SH3PXD2B: variants seen among roughly 807,000 people sequenced by gnomAD.
SH3PXD2B encodes SH3 and PX domains 2B.
Under a neutral mutation model 73.1 loss-of-function variants are expected in SH3PXD2B, and 37 were observed. The observed-to-expected ratio is 0.51, with a 90% confidence interval of 0.39 to 0.67. The LOEUF is 0.67. SH3PXD2B is among the 30% of genes least tolerant of loss of function. SH3PXD2B has a pLI of 0.00. For missense variants in SH3PXD2B, 1,053 were observed against 1,197.8 expected (o/e 0.88, Z 1.78); for synonymous variants, 457 against 480.5 (o/e 0.95, Z 0.64).
At chr5:172,449,026 G>A (rs1759737076) in intron 1 of SH3PXD2B, among the ~76,000 whole-genome samples, 1 of 152,138 alleles carries the variant, frequency 6.6e-6, no homozygotes. Context: ...GCCTACTAAG[G>A]GCGCAATCTA....
chr5:172,337,679 G>C lies in SH3PXD2B; in HGVS notation c.*690C>G. 2 of 988,112 alleles carry C rather than the reference G, an allele frequency of 2.0e-6. No individual in the cohort carries two copies. The highest frequency in any genetic ancestry group is 2.4e-6 in the Non-Finnish European group (2 of 831,736). The allele number at this position is 988,112 out of a possible 1,614,324, so 61.2% of individuals were successfully genotyped here. On this transcript the variant is annotated 3_prime_UTR_variant, in exon 13 of 13. Coordinates refer to ENST00000311601, the MANE Select transcript of SH3PXD2B (RefSeq NM_001017995.3). Reference sequence around the variant, plus strand: ...AGCAAAGCGCAGCATACGCGGGGCTGGAACCACCCTTCAGGGCTGACCACG... The same window carrying C: ...AGCAAAGCGCAGCATACGCGGGGCTCGAACCACCCTTCAGGGCTGACCACG...
In SH3PXD2B at chr5:172,338,350, T is replaced by C; in HGVS notation, c.*19A>G. 1 of 1,613,938 alleles carries C rather than the reference T, an allele frequency of 6.2e-7. No homozygotes were observed. Among genetic ancestry groups the C allele is most frequent in the Non-Finnish European group, 8.5e-7 (1 of 1,180,034 alleles). On this transcript the variant is annotated 3_prime_UTR_variant, in exon 13 of 13. Coordinates refer to ENST00000311601, the MANE Select transcript of SH3PXD2B (RefSeq NM_001017995.3). The surrounding 1 kb of genome is among the most constrained non-coding windows in gnomAD (Gnocchi z 5.1). Reference sequence around the variant, plus strand: ...AGCCAGCAAGGACCAGCGGGCCCTCTAGGCAGAAAGGGAGTCGGCTACGGC... The same window carrying C: ...AGCCAGCAAGGACCAGCGGGCCCTCCAGGCAGAAAGGGAGTCGGCTACGGC...
chr5:172,436,300 C>T (rs1288071336), intron 1 of SH3PXD2B, among the ~76,000 whole-genome samples: 4 of 152,204 alleles, frequency 2.6e-5, no homozygotes, highest in Admixed American at 6.5e-5. Context: ...GTTTCCATAG[C>T]GCAGTGCCAC....
Position 172,338,608 on chromosome 5 carries a change from C to T in SH3PXD2B, c.2497G>A (p.Gly833Arg). The change falls in exon 13 of 13, where the codon GGA becomes AGA. Residue 833 changes from glycine to arginine, a missense_variant. By Grantham distance (125) the Gly-to-Arg change is moderately radical (BLOSUM62 -2). Around this residue, in one of 2 missense-constraint regions of SH3PXD2B, gnomAD observed 587 missense variants for 590.7 expected, o/e 0.99. Coordinates refer to ENST00000311601, the MANE Select transcript of SH3PXD2B (RefSeq NM_001017995.3). This position sits in a 1 kb window ranked among gnomAD's most constrained non-coding sequence, Gnocchi z 5.1. ...GCAGCTGCTTTCTCCCTGTTTTCTCCAATCTTGCCGGTCCCCCATGGCCCC... is the reference window on the plus strand; with the variant it reads ...GCAGCTGCTTTCTCCCTGTTTTCTCTAATCTTGCCGGTCCCCCATGGCCCC... ...SLGPWGTGKI[G>R]ENREKAAAAS... 6.2e-7 allele frequency: 1 copy of T among 1,614,120 alleles called. No homozygotes were observed. Among genetic ancestry groups the T allele is most frequent in the Non-Finnish European group, 8.5e-7 (1 of 1,179,984 alleles).
intron 2 of SH3PXD2B, among the ~76,000 whole-genome samples, chr5:172,419,603 C>T (rs1008233750): frequency 6.6e-6 from 1 of 152,182 alleles, no homozygotes; most frequent in Non-Finnish European, 1.5e-5. Context: ...ATGGGAGATC[C>T]TGAGGCTACA....
intron 2 of SH3PXD2B, among the ~76,000 whole-genome samples, chr5:172,419,848 T>C (rs1470317502): frequency 1.3e-5 from 2 of 152,218 alleles, no homozygotes; most frequent in Non-Finnish European, 2.9e-5. Flanking sequence ...AAGAGGCCTC[T>C]GAAAGCAAAA....
chr5:172,437,130 C>T (rs569309229), intron 1 of SH3PXD2B, among the ~76,000 whole-genome samples: 2 of 152,130 alleles, frequency 1.3e-5, no homozygotes, highest in South Asian at 2.1e-4. Context: ...GTATGGTCCT[C>T]GTGGGTGCTG....
rs76299613 is a variant in SH3PXD2B, at chr5:172,362,775, G to A, written c.522C>T (p.Ser174=). ...CGATGATGTCCACCACCTGCCCCAC[G>A]CTGAGGCTGATCTCCGAACTCTCCT... ...QKQESSEISL[S]VGQVVDIIEK... is the part of the protein sequence containing the mutation. Residue 174 remains serine (S), a synonymous_variant, in exon 7 of 13, where the codon AGC becomes AGT. Transcript: ENST00000311601. The A allele has an allele frequency of 0.018, 28,632 of 1,614,070 alleles. 324 individuals are homozygous for A. Among genetic ancestry groups the A allele is most frequent in the South Asian group, 0.03 (2,709 of 91,076 alleles).
chr5:172,427,113 C>T (rs1234789094), intron 1 of SH3PXD2B, among the ~76,000 whole-genome samples: 2 of 152,116 alleles, frequency 1.3e-5, no homozygotes, highest in Non-Finnish European at 2.9e-5. Context: ...TTGATGGATG[C>T]GTGCATAAAG....
At chr5:172,393,025 A>G (rs919948537) in intron 4 of SH3PXD2B, among the ~76,000 whole-genome samples, 2 of 152,148 alleles carry the variant, frequency 1.3e-5, no homozygotes, top group African/African-American at 4.8e-5. Context: ...TTCTTTTTCA[A>G]AAGTGTTTTG....
At chr5:172,428,111 A>G (rs1759143364) in intron 1 of SH3PXD2B, among the ~76,000 whole-genome samples, 1 of 152,108 alleles carries the variant, frequency 6.6e-6, no homozygotes, top group Non-Finnish European at 1.5e-5. Flanking sequence ...TCCTGCAGAG[A>G]TTTACATACT....
intron 2 of SH3PXD2B, among the ~76,000 whole-genome samples, chr5:172,420,119 G>A (rs1273849905): frequency 6.6e-6 from 1 of 152,198 alleles, no homozygotes; most frequent in South Asian, 2.1e-4. Flanking sequence ...CCAGGGTTTA[G>A]ATCTTTCTTC....
chr5:172,339,432 C>A lies in SH3PXD2B; in HGVS notation c.1673G>T (p.Gly558Val), dbSNP rs764684802. 3.1e-6 allele frequency: 5 copies of A among 1,614,152 alleles called. No homozygotes were observed. The highest frequency in any genetic ancestry group is 4.2e-6 in the Non-Finnish European group (5 of 1,180,016). Residue 558 changes from glycine (G) to valine (V), a missense_variant, in exon 13 of 13, where the codon GGC becomes GTC. Transcript: ENST00000311601. The surrounding 1 kb of genome is among the most constrained non-coding windows in gnomAD (Gnocchi z 6.1). ...GGCTGGCATCATCGGCAAAATCACG[C>A]CCGGAGGCTTGGGAGTGGGGCCCCG... ...QLRGPTPKPPGVILPMMPAKH... is the reference protein window; with the variant it reads ...QLRGPTPKPPVVILPMMPAKH...
At chr5:172,329,059 G>GTATATA (rs1211712213), downstream of SH3PXD2B, among the ~76,000 whole-genome samples, 9 of 96,888 alleles carry the variant, frequency 9.3e-5, no homozygotes, top group African/African-American at 1.3e-4. Flanking sequence ...GTGTGTGTGT[G>GTATATA]TATATATATA....
chr5:172,435,661 C>T (rs976288035), intron 1 of SH3PXD2B, among the ~76,000 whole-genome samples: 1 of 152,102 alleles, frequency 6.6e-6, no homozygotes, highest in Admixed American at 6.6e-5. Flanking sequence ...TGGCCTCAAG[C>T]GATCTACCTG....
chr5:172,376,703 G>A (rs1169070876), intron 5 of SH3PXD2B, among the ~76,000 whole-genome samples: 1 of 152,174 alleles, frequency 6.6e-6, no homozygotes, highest in Non-Finnish European at 1.5e-5. Context: ...TGCAGAGAAG[G>A]GTGAGGGTCA....
At chr5:172,447,103 T>A (rs1759686168) in intron 1 of SH3PXD2B, among the ~76,000 whole-genome samples, 1 of 152,108 alleles carries the variant, frequency 6.6e-6, no homozygotes, top group Non-Finnish European at 1.5e-5. Flanking sequence ...TTTTTAAAAA[T>A]GAGCATTTGC....
chr5:172,448,014 TACTTTTTCCCAATCC>T (rs1759711715), intron 1 of SH3PXD2B, among the ~76,000 whole-genome samples: 1 of 152,242 alleles, frequency 6.6e-6, no homozygotes, highest in Non-Finnish European at 1.5e-5. Context: ...GACAAGCACC[TACTTTTTCCCAATCC>T]AAAGAAAGCA....
At chr5:172,371,983 A>G (rs1319131292) in intron 6 of SH3PXD2B, among the ~76,000 whole-genome samples, 1 of 152,162 alleles carries the variant, frequency 6.6e-6, no homozygotes, top group African/African-American at 2.4e-5. Flanking sequence ...TAGAAAGAGG[A>G]GCTATAAATG....
Sources: allele counts gnomAD v4.1 joint callset (sites outside exome capture counted in the v4.1 genomes callset), GRCh38; gene constraint gnomAD v4.1.1; regional missense constraint gnomAD v4.1.1; non-coding constraint Gnocchi (gnomAD v3.1); transcripts MANE v1.5; gene names NCBI Gene and HGNC (gene_info 2026-07-23, HGNC 2026-07-21).